COL18A1: variants seen among roughly 807,000 people sequenced by gnomAD.
COL18A1 encodes the protein collagen type XVIII alpha 1 chain.
In COL18A1, 133 loss-of-function variants were observed where a neutral mutation model predicts 168.0. That is an observed-to-expected ratio of 0.79 (90% CI 0.69 to 0.91). The LOEUF is 0.91. Ranked by LOEUF, COL18A1 falls within the 40% of genes least tolerant of loss-of-function variation. COL18A1 has a pLI of 0.00. For synonymous variants in COL18A1, 949 were observed against 809.0 expected, an observed-to-expected ratio of 1.17 and a Z score of -2.94; for missense variants, 2,126 against 1,925.4, an observed-to-expected ratio of 1.10 and a Z score of -1.95.
In COL18A1 at chr21:45,497,976, GC is replaced by G. The variant is rs1391070078; in HGVS notation, c.2683+320del. 3.3e-5 allele frequency among the ~76,000 whole-genome samples: 5 copies of G among 152,298 alleles called. No individual in the cohort carries two copies. The South Asian group carries it at 8.3e-4, about 25-fold the overall frequency. ...CACAGCAGCTTCAGTGTCCTGAGAT[GC>G]CCCCTCCCCTCCACGGGGCCGGGGG... On this transcript the variant is annotated intron_variant, in intron 32 of 41. Transcript: ENST00000651438.
chr21:45,484,451 A>T (rs1412312905), intron 15 of COL18A1, among the ~76,000 whole-genome samples: 1 of 147,898 alleles, frequency 6.8e-6, no homozygotes, highest in Non-Finnish European at 1.5e-5. Flanking sequence ...CCTCTCCAGC[A>T]TGTGTGCACA....
rs528136430 is a variant in COL18A1, at chr21:45,460,711, G to A, written c.107-7531G>A. On this transcript the variant is annotated intron_variant, in intron 2 of 41. Coordinates refer to ENST00000651438, the MANE Select transcript of COL18A1 (RefSeq NM_001379500.1). ...CATGTAACTTTGGTTTAAGAAGGGAGAAGACCACTCTGGGAAATAACTCAT... is the reference window on the plus strand; with the variant it reads ...CATGTAACTTTGGTTTAAGAAGGGAAAAGACCACTCTGGGAAATAACTCAT... Among the ~76,000 whole-genome samples the A allele has an allele frequency of 5.3e-5, 8 of 151,862 alleles. No individual in the cohort carries two copies. In the South Asian group the frequency reaches 1.4e-3, roughly 27 times the overall value.
At chr21:45,417,480 G>T (rs1047834522) in intron 2 of COL18A1, among the ~76,000 whole-genome samples, 3 of 152,166 alleles carry the variant, frequency 2.0e-5, no homozygotes, top group Non-Finnish European at 4.4e-5. Context: ...GGCTTGCTCA[G>T]TGTCCTCAGG....
chr21:45,505,365 C>T lies in COL18A1; in HGVS notation c.3021C>T (p.Ser1007=), dbSNP rs757099292. Residue 1007 remains serine, a synonymous_variant, in exon 36 of 42, where the codon AGC becomes AGT. Transcript: ENST00000651438. The part of the protein sequence containing the change: ...SFPGPHRQTI[S]VPGPPGPPGP... ...TTGGTTTCTCTCCTGCAGCTATCAG[C>T]GTTCCCGGCCCTCCGGGCCCCCCTG... 30 of 1,592,836 alleles carry T rather than the reference C, an allele frequency of 1.9e-5. No individual in the cohort carries two copies. The highest frequency in any genetic ancestry group is 3.3e-5 in the Admixed American group (2 of 59,924).
rs2037676178 is a variant in COL18A1 at position 45,512,591 on chromosome 21, A to G, written c.*193A>G. ...GTATTTTTTTAAAAGTTTAAAACAG[A>G]AGCCTGATGCTGACATTCACCTGCC... On this transcript the variant is annotated 3_prime_UTR_variant, in exon 42 of 42. Coordinates refer to ENST00000651438, the MANE Select transcript of COL18A1 (RefSeq NM_001379500.1). 1.6e-6 allele frequency: 1 copy of G among 632,754 alleles called. No individual in the cohort carries two copies. Among genetic ancestry groups the G allele is most frequent in the South Asian group, 1.9e-5 (1 of 51,522 alleles). 39.2% of individuals were successfully genotyped at this position (632,754 alleles called of 1,614,324 possible).
intron 2 of COL18A1, among the ~76,000 whole-genome samples, chr21:45,411,142 G>A (rs1000356842): frequency 8.5e-5 from 13 of 152,304 alleles, no homozygotes; most frequent in South Asian, 6.2e-4. Context: ...CAGGAACTCC[G>A]TGGGCCTGTG....
Position 45,489,533 on chromosome 21 carries a change from G to A in COL18A1, c.1959+12G>A. On this transcript the variant is annotated intron_variant, in intron 19 of 41. Transcript: ENST00000651438. ...TGCCGGGGGCGAAGGTAAGCGCTGT[G>A]CCCGGGTTCAGGGACGTGGCCAGGC... The A allele has an allele frequency of 6.3e-7, 1 of 1,582,494 alleles. No homozygotes were observed.
At position 45,493,015 on chromosome 21, in the gene COL18A1, C is replaced by G. The variant is rs562780030; in HGVS notation, c.2215-148C>G. 5.2e-5 allele frequency: 43 copies of G among 834,674 alleles called. No individual in the cohort carries two copies. The African/African-American group carries it at 6.4e-4, about 12-fold the overall frequency. The allele number at this position is 834,674 out of a possible 1,614,324, so 51.7% of individuals were successfully genotyped here. On this transcript the variant is annotated intron_variant, in intron 24 of 41. Transcript: ENST00000651438. ...GGTCACCTGCGGAGGCCTGCAGTGT[C>G]CAGAGTGAGGCTGGGGCCGCGAGGG... is the stretch of plus-strand genomic sequence containing the variant.
At chr21:45,449,264 G>A (rs539961419) in intron 2 of COL18A1, among the ~76,000 whole-genome samples, 3 of 152,320 alleles carry the variant, frequency 2.0e-5, no homozygotes, top group Admixed American at 6.5e-5. Context: ...AGCTGCCGCC[G>A]GCCAGGTGCG....
At chr21:45,500,029 G>T (rs1426176856) in intron 32 of COL18A1, among the ~76,000 whole-genome samples, 1 of 152,124 alleles carries the variant, frequency 6.6e-6, no homozygotes, top group Non-Finnish European at 1.5e-5. Flanking sequence ...CTCCCCGAAC[G>T]TGAGGGCTGG....
Position 45,477,753 on chromosome 21 carries a change from G to A in COL18A1, c.1009G>A (p.Gly337Ser), listed in dbSNP as rs76547444. 2.0e-3 allele frequency: 3,130 copies of A among 1,537,764 alleles called. 59 individuals are homozygous for A. The African/African-American group carries it at 0.037, about 18-fold the overall frequency. ...RTPGGRVKEG[G>S]LKGQKGEPGV... ...CCTGTGTTCTGTTTATTCCCAGGGC[G>A]GCCTGAAGGGGCAGAAAGGGGAGCC... The change falls in exon 8 of 42, where the codon GGC becomes AGC. Residue 337 changes from glycine to serine, a missense_variant. Transcript: ENST00000651438.
chr21:45,456,867 T>C (rs751492692), intron 2 of COL18A1: 19 of 1,450,138 alleles, frequency 1.3e-5, no homozygotes, highest in Admixed American at 5.7e-5. Context: ...TGTGTGCTCA[T>C]TGGGCCGGCT....
intron 2 of COL18A1, among the ~76,000 whole-genome samples, chr21:45,417,423 G>A (rs1230639720): frequency 2.0e-5 from 3 of 152,178 alleles, no homozygotes; most frequent in Non-Finnish European, 2.9e-5. Context: ...TGGGTTCCCC[G>A]GGGCTTGGGG....
chr21:45,506,043 G>T, intron 37 of COL18A1, 77 bp downstream of exon 37: 1 of 1,606,780 alleles, frequency 6.2e-7, no homozygotes, highest in Non-Finnish European at 8.5e-7. Flanking sequence ...AAGGCGAGAG[G>T]CTCAGGCCCC....
At chr21:45,491,707 C>A (rs2036360347) in intron 22 of COL18A1, among the ~76,000 whole-genome samples, 1 of 152,312 alleles carries the variant, frequency 6.6e-6, no homozygotes, top group African/African-American at 2.4e-5. Flanking sequence ...CCGGAACCTT[C>A]CTCCCCCACT....
intron 2 of COL18A1, among the ~76,000 whole-genome samples, chr21:45,418,737 A>C (rs2033525216): frequency 3.3e-5 from 5 of 150,276 alleles, no homozygotes; most frequent in Non-Finnish European, 6.0e-5. Context: ...CTGGGGTCTC[A>C]GGGCAGCGGC....
intron 32 of COL18A1, among the ~76,000 whole-genome samples, chr21:45,500,142 G>A (rs1282002124): frequency 3.4e-5 from 5 of 149,182 alleles, no homozygotes; most frequent in Non-Finnish European, 6.0e-5. Flanking sequence ...GGTGGAGTGT[G>A]GAGTGTGTGC....
In COL18A1 at chr21:45,468,431, G is replaced by A. The variant is rs375588763; in HGVS notation, c.296G>A (p.Arg99Gln). ...GACTTCTCACTGCTGTTCCACATCCGGCCAGCCACAGAGGGCCCAGGGGTG... is the reference window on the plus strand; with the variant it reads ...GACTTCTCACTGCTGTTCCACATCCAGCCAGCCACAGAGGGCCCAGGGGTG... The part of the protein sequence containing the change: ...FRDFSLLFHI[R>Q]PATEGPGVLF... The change falls in exon 3 of 42, where the codon CGG becomes CAG. Residue 99 changes from arginine (R) to glutamine (Q), a missense_variant. Physicochemically the swap from Arg to Gln is conservative, Grantham distance 43. Coordinates refer to ENST00000651438, the MANE Select transcript of COL18A1 (RefSeq NM_001379500.1). 22 of 1,614,032 alleles carry A rather than the reference G, an allele frequency of 1.4e-5. No homozygotes were observed. Among genetic ancestry groups the A allele is most frequent in the East Asian group, 1.1e-4 (5 of 44,878 alleles).
rs2146080921 is a variant in COL18A1 at position 45,505,186 on chromosome 21, G to A, written c.2921G>A (p.Gly974Glu). ...CAGCCCGGCCCACCTGGACCTCAGG[G>A]ACCCCCCGGCATCGGCTACGAGGGG... ...RGQPGPPGPQGPPGIGYEGRQ... is the reference protein window; with the variant it reads ...RGQPGPPGPQEPPGIGYEGRQ... The change falls in exon 35 of 42, where the codon GGA becomes GAA. Residue 974 changes from glycine (G) to glutamate (E), a missense_variant. Coordinates refer to ENST00000651438, the MANE Select transcript of COL18A1 (RefSeq NM_001379500.1). 1 of 1,605,862 alleles carries A rather than the reference G, an allele frequency of 6.2e-7. No individual in the cohort carries two copies. Among genetic ancestry groups the A allele is most frequent in the South Asian group, 1.1e-5 (1 of 90,182 alleles).
Sources: gnomAD v4.1 joint callset for allele counts (sites outside exome capture counted in the v4.1 genomes callset) on GRCh38, gnomAD v4.1.1 for gene constraint, MANE v1.5 for transcripts, NCBI Gene and HGNC (gene_info 2026-07-23, HGNC 2026-07-21) for gene names.